SIDT2: variants seen among roughly 807,000 people sequenced by gnomAD.
SIDT2 encodes the protein SID1 transmembrane family, member 2.
Under a neutral mutation model 114.4 loss-of-function variants are expected in SIDT2, and 68 were observed. The ratio of observed to expected loss-of-function variants is 0.59; its 90% CI spans 0.49 to 0.73. The LOEUF (loss-of-function observed/expected upper bound fraction) is 0.73, where lower values mean the gene tolerates loss of function less well. Among genes scored for constraint, SIDT2 ranks in the 30% least tolerant of loss-of-function variants. The probability of loss-of-function intolerance (pLI) is 0.00; values close to 1 mark genes in which losing one functional copy is unlikely to be tolerated. For missense variants in SIDT2, 918 were observed against 1,097.1 expected (o/e 0.84, Z 2.31); for synonymous variants, 470 against 438.4 (o/e 1.07, Z -0.90).
rs769955426 is a variant in SIDT2, at chr11:117,189,261, T to G, written c.1352+19T>G. 1.2e-6 allele frequency: 2 copies of G among 1,614,104 alleles called. No homozygotes were observed. Among genetic ancestry groups the G allele is most frequent in the South Asian group, 2.2e-5 (2 of 91,088 alleles). On this transcript the variant is annotated intron_variant, in intron 14 of 25. Transcript: ENST00000324225. ...ACTTCTGGTGAGTGGGCTGAGTGTC[T>G]GGGGCTCTGCTGTTGGTGGGTGTGT...
At chr11:117,179,719 T>G (rs1162919220) in intron 1 of SIDT2, 4 of 386,708 alleles carry the variant, frequency 1.0e-5, no homozygotes, top group Non-Finnish European at 1.4e-5. Flanking sequence ...TGAGCACACA[T>G]GGCTTGCTCT....
In SIDT2 at chr11:117,192,350, C is replaced by T. The variant is rs761767573; in HGVS notation, c.1969C>T (p.Arg657Trp). ...LLSTQLYYMG[R>W]WKLDSGIFRR... is the part of the protein sequence containing the mutation. The stretch of plus-strand genomic sequence containing the variant: ...CAGCACGCAGCTCTATTACATGGGC[C>T]GGTGGAAACTGGGTAAGGGCACGCC... The change falls in exon 20 of 26, where the codon CGG (arginine) becomes TGG (tryptophan). Residue 657 changes from arginine (R) to tryptophan (W), a missense_variant. By Grantham distance (101) the Arg-to-Trp change is moderately radical. Coordinates refer to ENST00000324225, the MANE Select transcript of SIDT2 (RefSeq NM_001040455.2). The surrounding 1 kb of genome is among the most constrained non-coding windows in gnomAD (Gnocchi z 5.9). The T allele has an allele frequency of 1.4e-5, 23 of 1,601,446 alleles. No individual in the cohort carries two copies. The highest frequency in any genetic ancestry group is 7.7e-5 in the South Asian group (7 of 90,808).
intron 24 of SIDT2, 36 bp from the exon 25 acceptor site, chr11:117,195,766 A>C (rs1222997822): frequency 6.2e-7 from 1 of 1,611,646 alleles, no homozygotes; most frequent in Non-Finnish European, 8.5e-7. Flanking sequence ...CTGCCAGAGC[A>C]GGGTCATTCG....
Position 117,187,643 on chromosome 11 carries a change from C to G in SIDT2, c.1103C>G (p.Ser368Cys). 1 of 1,614,162 alleles carries G rather than the reference C, an allele frequency of 6.2e-7. No homozygotes were observed. Among genetic ancestry groups the G allele is most frequent in the Non-Finnish European group, 8.5e-7 (1 of 1,180,028 alleles). ...NYGSFENVSG[S>C]TDGLVDSAGT... is the part of the protein sequence containing the mutation. ...TTCCCCACAGAGAATGTTTCTGGATCTACCGATGGTCTGGTTGACAGCGCT... is the reference window on the plus strand; with the variant it reads ...TTCCCCACAGAGAATGTTTCTGGATGTACCGATGGTCTGGTTGACAGCGCT... The change falls in exon 12 of 26, where the codon TCT becomes TGT. Residue 368 changes from serine (S) to cysteine (C), a missense_variant. Coordinates refer to ENST00000324225, the MANE Select transcript of SIDT2 (RefSeq NM_001040455.2).
At chr11:117,194,437 G>A (rs80183569) in intron 24 of SIDT2, among the ~76,000 whole-genome samples, 17,970 of 152,182 alleles carry the variant, frequency 0.12, 1,639 homozygotes, top group African/African-American at 0.26. Flanking sequence ...GACAGATGAG[G>A]CTCAGAGAGG....
In SIDT2 at chr11:117,192,282, G is replaced by A; in HGVS notation, c.1901G>A (p.Trp634Ter). ...VVFGKGNTAF[W>*]IVFSIIHIIA... ...TTTGGCAAAGGGAACACGGCGTTCT[G>A]GATCGTCTTCTCCATCATTCACATC... The change falls in exon 20 of 26, where the codon TGG (tryptophan) becomes TAG (stop). Residue 634 changes from tryptophan (W) to a stop codon, truncating the protein, a stop_gained. Coordinates refer to ENST00000324225, the MANE Select transcript of SIDT2 (RefSeq NM_001040455.2). LOFTEE classifies it high-confidence loss of function. The surrounding 1 kb of genome is among the most constrained non-coding windows in gnomAD (Gnocchi z 5.9). 6.2e-7 allele frequency: 1 copy of A among 1,611,642 alleles called. No homozygotes were observed. Among genetic ancestry groups the A allele is most frequent in the South Asian group, 1.1e-5 (1 of 91,030 alleles).
In SIDT2 at chr11:117,179,369, G is replaced by A. The variant is rs1286145924; in HGVS notation, c.106G>A (p.Glu36Lys). ...CGTCTCGCAGAAAGACGCCGAGTTT[G>A]AGCGCACCTACGTGGACGAGGTCAA... ...KNVSQKDAEFERTYVDEVNSE... is the reference protein window; with the variant it reads ...KNVSQKDAEFKRTYVDEVNSE... Residue 36 changes from glutamate (E) to lysine (K), a missense_variant, in exon 1 of 26, where the codon GAG (glutamate) becomes AAG (lysine). Transcript: ENST00000324225. 6.2e-7 allele frequency: 1 copy of A among 1,614,184 alleles called. No homozygotes were observed. Among genetic ancestry groups the A allele is most frequent in the Admixed American group, 1.7e-5 (1 of 60,030 alleles).
chr11:117,191,769 G>C, intron 18 of SIDT2, 109 bp from the exon 19 acceptor site: 3 of 1,454,302 alleles, frequency 2.1e-6, no homozygotes, highest in Non-Finnish European at 2.8e-6. Context: ...CACCATGGCC[G>C]TGGTGGGGCA....
rs1218390300 is a variant in SIDT2, at chr11:117,179,103, C to T, written c.-161C>T. 11 of 734,836 alleles carry T rather than the reference C, an allele frequency of 1.5e-5. No homozygotes were observed. The highest frequency in any genetic ancestry group is 6.0e-5 in the Admixed American group (2 of 33,560). 45.5% of individuals were successfully genotyped at this position (734,836 alleles called of 1,614,324 possible). On this transcript the variant is annotated 5_prime_UTR_variant, in exon 1 of 26. Transcript: ENST00000324225. ...GGACCCTGGGAGCCTCTTCGGGGCTCTTGGGAGGGGACATTTCCTAATCTC... is the reference window on the plus strand; with the variant it reads ...GGACCCTGGGAGCCTCTTCGGGGCTTTTGGGAGGGGACATTTCCTAATCTC...
intron 22 of SIDT2, 90 bp from the exon 23 acceptor site, chr11:117,193,063 C>T (rs1156979705): frequency 1.4e-6 from 2 of 1,442,360 alleles, no homozygotes; most frequent in African/African-American, 2.8e-5. Flanking sequence ...CACAGCCCAA[C>T]ATCATAATAA....
Position 117,192,237 on chromosome 11 carries a change from T to G in SIDT2, c.1873-17T>G. On this transcript the variant is annotated splice_polypyrimidine_tract_variant and intron_variant, in intron 19 of 25. Coordinates refer to ENST00000324225, the MANE Select transcript of SIDT2 (RefSeq NM_001040455.2). The surrounding 1 kb of genome is among the most constrained non-coding windows in gnomAD (Gnocchi z 5.9). ...CCCTCTCCACCCTCACCGCTGCCCT[T>G]GGTGGCCTCCCGACAGGTCTTTGGC... 1 of 1,551,358 alleles carries G rather than the reference T, an allele frequency of 6.4e-7. No homozygotes were observed. Among genetic ancestry groups the G allele is most frequent in the Non-Finnish European group, 8.9e-7 (1 of 1,123,054 alleles).
At position 117,182,519 on chromosome 11, in the gene SIDT2, T is replaced by A. The variant is rs2030329961; in HGVS notation, c.517T>A (p.Tyr173Asn). 1 of 1,613,344 alleles carries A rather than the reference T, an allele frequency of 6.2e-7. No individual in the cohort carries two copies. Among genetic ancestry groups the A allele is most frequent in the Non-Finnish European group, 8.5e-7 (1 of 1,179,344 alleles). The change falls in exon 5 of 26, where the codon TAC (tyrosine) becomes AAC (asparagine). Residue 173 changes from tyrosine to asparagine, a missense_variant and splice_region_variant. Coordinates refer to ENST00000324225, the MANE Select transcript of SIDT2 (RefSeq NM_001040455.2). The part of the protein sequence containing the change: ...SFNTTAAQPQ[Y>N]FKYEFPEGVD... ...TCTCCCTTCCTTCCTGCACCCTCAG[T>A]ACTTCAAGTATGAGTTCCCTGAAGG...
chr11:117,179,543 A>G (rs2030179848), intron 1 of SIDT2, 97 bp downstream of exon 1: 1 of 1,341,436 alleles, frequency 7.5e-7, no homozygotes, highest in Admixed American at 2.1e-5. Context: ...GGCCCCAGGA[A>G]CGAGCTGTCC....
At chr11:117,182,366 C>T in intron 4 of SIDT2, 153 bp from the exon 5 acceptor site, 1 of 741,500 alleles carries the variant, frequency 1.3e-6, no homozygotes. Flanking sequence ...GAGAAAGGGG[C>T]TGCTGTGATC....
rs528225444 is a variant in SIDT2 at position 117,193,103 on chromosome 11, T to G, written c.2106-50T>G. 15 of 1,569,802 alleles carry G rather than the reference T, an allele frequency of 9.6e-6. No homozygotes were observed. The South Asian group carries it at 1.7e-4, about 17-fold the overall frequency. On this transcript the variant is annotated intron_variant, in intron 22 of 25. Coordinates refer to ENST00000324225, the MANE Select transcript of SIDT2 (RefSeq NM_001040455.2). ...TGCCTAGGCAGGGCAGGAAGAGCACTTCCTTGCCCTTGGGCTTCCTGCTTC... is the reference window on the plus strand; with the variant it reads ...TGCCTAGGCAGGGCAGGAAGAGCACGTCCTTGCCCTTGGGCTTCCTGCTTC...
At chr11:117,195,460 C>T (rs1013636232) in intron 24 of SIDT2, among the ~76,000 whole-genome samples, 2 of 152,122 alleles carry the variant, frequency 1.3e-5, no homozygotes, top group Non-Finnish European at 2.9e-5. Flanking sequence ...AGTCCAAGGC[C>T]GGGAAGTGGG....
At chr11:117,194,166 T>G (rs1484902789) in intron 24 of SIDT2, 2 of 489,600 alleles carry the variant, frequency 4.1e-6, no homozygotes, top group Non-Finnish European at 7.3e-6. Context: ...AATAAAAAAA[T>G]TAGCCTGGCG....
chr11:117,191,700 G>A (rs2030707451), intron 18 of SIDT2, 178 bp from the exon 19 acceptor site: 2 of 767,570 alleles, frequency 2.6e-6, no homozygotes, highest in African/African-American at 3.5e-5. Flanking sequence ...GGGTGGCAGT[G>A]TGGTGTGGCA....
intron 8 of SIDT2, 105 bp from the exon 9 acceptor site, chr11:117,186,025 G>A: frequency 2.2e-6 from 2 of 895,288 alleles, no homozygotes; most frequent in South Asian, 2.9e-5. Flanking sequence ...GGGGAGAAGG[G>A]TGAGAGATTG....
Sources: allele counts gnomAD v4.1 joint callset (sites outside exome capture counted in the v4.1 genomes callset), GRCh38; gene constraint gnomAD v4.1.1; non-coding constraint Gnocchi (gnomAD v3.1); transcripts MANE v1.5; gene names NCBI Gene and HGNC (gene_info 2026-07-23, HGNC 2026-07-21).